Variants in DOC2B observed in about 807,000 individuals in gnomAD.
DOC2B encodes the protein double C2 domain beta.
DOC2B carries 21 observed loss-of-function variants against 28.9 expected under a neutral mutation model. The ratio of observed to expected loss-of-function variants is 0.73; its 90% CI spans 0.52 to 1.05. The LOEUF is 1.05. Among genes scored for constraint, DOC2B ranks in the 50% least tolerant of loss-of-function variants. The probability of loss-of-function intolerance (pLI) is 0.00; values close to 1 mark genes in which losing one functional copy is unlikely to be tolerated. For missense variants in DOC2B, 384 were observed against 421.1 expected, an observed-to-expected ratio of 0.91 and a Z score of 0.77; for synonymous variants, 194 against 178.1, an observed-to-expected ratio of 1.09 and a Z score of -0.71.
At position 150,064 on chromosome 17, in the gene DOC2B, G is replaced by C. The variant is rs1431155610; in HGVS notation, c.924-872C>G. 2.0e-5 allele frequency among the ~76,000 whole-genome samples: 3 copies of C among 152,308 alleles called. No homozygotes were observed. The South Asian group carries it at 6.2e-4, about 32-fold the overall frequency. Reference sequence around the variant, plus strand: ...AACAGCTGTCTTCCTCTGAGGCTCAGAGAGGGGGAGTGACTTGCCCAAGGT... The same window carrying C: ...AACAGCTGTCTTCCTCTGAGGCTCACAGAGGGGGAGTGACTTGCCCAAGGT... On this transcript the variant is annotated intron_variant, in intron 6 of 8. Coordinates refer to ENST00000613549, the MANE Select transcript of DOC2B (RefSeq NM_003585.5).
At chr17:179,398 C>CAAA (rs770987974) in intron 1 of DOC2B, among the ~76,000 whole-genome samples, 15 of 139,022 alleles carry the variant, frequency 1.1e-4, no homozygotes, top group South Asian at 9.2e-4. Context: ...TCAGAGACAG[C>CAAA]AAAAAAAAGA....
intron 8 of DOC2B, 122 bp downstream of exon 8, chr17:148,051 G>A (rs1335205416): frequency 1.0e-5 from 4 of 396,662 alleles, no homozygotes; most frequent in Non-Finnish European, 1.8e-5. Flanking sequence ...AAGGTCTGAG[G>A]CCCCTGACCT....
At chr17:161,840 C>A (rs745721385) in intron 4 of DOC2B, among the ~76,000 whole-genome samples, 3 of 152,226 alleles carry the variant, frequency 2.0e-5, no homozygotes, top group Non-Finnish European at 2.9e-5. Flanking sequence ...ACCTCCAGCA[C>A]CCTGAGAGGC....
At chr17:180,976 C>T in intron 1 of DOC2B, 131 bp downstream of exon 1, 1 of 780,324 alleles carries the variant, frequency 1.3e-6, no homozygotes, top group Non-Finnish European at 1.7e-6. Flanking sequence ...CCCGCAAGCC[C>T]GCGGCGGGGT....
At chr17:150,408 A>G (rs1027550181) in intron 6 of DOC2B, among the ~76,000 whole-genome samples, 1 of 151,714 alleles carries the variant, frequency 6.6e-6, no homozygotes, top group African/African-American at 2.4e-5. Context: ...TGTCCAGCTT[A>G]ACCTGCATCC....
chr17:172,420 G>T (rs2294074), intron 2 of DOC2B, 117 bp downstream of exon 2: 1 of 785,344 alleles, frequency 1.3e-6, no homozygotes, highest in Admixed American at 2.7e-5. Context: ...CCCACACAGC[G>T]CAGACATCCA....
At chr17:161,802 T>C (rs1555523281) in intron 4 of DOC2B, among the ~76,000 whole-genome samples, 1 of 152,174 alleles carries the variant, frequency 6.6e-6, no homozygotes, top group Non-Finnish European at 1.5e-5. Context: ...GCCAGGAGGC[T>C]GGGAGAGCCG....
Position 147,495 on chromosome 17 carries a change from G to A in DOC2B, c.1185C>T (p.Ile395=), listed in dbSNP as rs1296771889. 3.0e-5 allele frequency: 12 copies of A among 398,828 alleles called. No individual in the cohort carries two copies. Among genetic ancestry groups the A allele is most frequent in the African/African-American group, 1.2e-4 (6 of 48,768 alleles). 24.7% of individuals were successfully genotyped at this position (398,828 alleles called of 1,614,324 possible). A position where few individuals can be genotyped will look rare whatever the true frequency, so the allele number is the denominator to read the frequency against. Residue 395 remains isoleucine, a synonymous_variant, in exon 9 of 9, where the codon ATC becomes ATT. Coordinates refer to ENST00000613549, the MANE Select transcript of DOC2B (RefSeq NM_003585.5). The part of the protein sequence containing the change: ...FDCLKNKDKR[I]ERWHTLTSEL... ...CGCTGGTGAGCGTGTGCCAGCGCTC[G>A]ATGCGCTTGTCCTTGTTCTTCAGGC...
Position 178,250 on chromosome 17 carries a change from T to C in DOC2B, c.373+2857A>G, listed in dbSNP as rs2040392258. 2.0e-5 allele frequency among the ~76,000 whole-genome samples: 3 copies of C among 152,304 alleles called. No individual in the cohort carries two copies. In the East Asian group the frequency reaches 5.8e-4, roughly 29 times the overall value. On this transcript the variant is annotated intron_variant, in intron 1 of 8. Coordinates refer to ENST00000613549, the MANE Select transcript of DOC2B (RefSeq NM_003585.5). ...TAGGAAACGGGCCTTGATTTTGCTC[T>C]ACAAGGAAAAACGCACAGCCACGAG...
chr17:152,171 GTTA>G (rs2040079670), intron 6 of DOC2B, among the ~76,000 whole-genome samples: 1 of 152,116 alleles, frequency 6.6e-6, no homozygotes, highest in South Asian at 2.1e-4. Context: ...ACCCCTTCTG[GTTA>G]TACATAAGAC....
In DOC2B at chr17:147,421, G is replaced by GT. The variant is rs2040027793; in HGVS notation, c.*19dup. The GT allele has an allele frequency of 5.0e-6, 2 of 398,824 alleles. No individual in the cohort carries two copies. Among genetic ancestry groups the GT allele is most frequent in the African/African-American group, 4.1e-5 (2 of 48,632 alleles). The allele number at this position is 398,824 out of a possible 1,614,324, so 24.7% of individuals were successfully genotyped here. ...GTGCTGGGCGCAGGTGGCGGCAGGG[G>GT]TAGCAGTGGCGGGTGGGCGTCAGTC... On this transcript the variant is annotated 3_prime_UTR_variant, in exon 9 of 9. Coordinates refer to ENST00000613549, the MANE Select transcript of DOC2B (RefSeq NM_003585.5).
intron 1 of DOC2B, among the ~76,000 whole-genome samples, chr17:174,457 C>G (rs2040346761): frequency 6.6e-6 from 1 of 152,162 alleles, no homozygotes; most frequent in East Asian, 1.9e-4. Flanking sequence ...TCTCTAAGAC[C>G]CATTCTGGAA....
At chr17:156,161 C>T (rs561457560) in intron 6 of DOC2B, 59 bp downstream of exon 6, 240 of 1,481,926 alleles carry the variant, frequency 1.6e-4, no homozygotes, top group Non-Finnish European at 1.8e-4. Flanking sequence ...AGCCGGCACA[C>T]GGACCCCCGT....
chr17:164,048 C>A, intron 3 of DOC2B, 82 bp downstream of exon 3: 1 of 1,189,296 alleles, frequency 8.4e-7, no homozygotes, highest in South Asian at 1.3e-5. Context: ...CAGTCCAGGC[C>A]CCAAAGCAAA....
chr17:159,733 C>G (rs1471730426), intron 5 of DOC2B, among the ~76,000 whole-genome samples: 1 of 152,068 alleles, frequency 6.6e-6, no homozygotes, highest in Non-Finnish European at 1.5e-5. Context: ...ACCAATGGGC[C>G]GGTAGCGCAT....
intron 1 of DOC2B, among the ~76,000 whole-genome samples, 151 bp from the exon 2 acceptor site, chr17:172,767 C>A (rs1329517301): frequency 6.6e-6 from 1 of 152,246 alleles, no homozygotes; most frequent in Non-Finnish European, 1.5e-5. Flanking sequence ...GCCAGCCCCT[C>A]ACCCATCCTC....
chr17:156,360 G>T lies in DOC2B; in HGVS notation c.783C>A (p.Asp261Glu). 6.4e-7 allele frequency: 1 copy of T among 1,551,434 alleles called. No individual in the cohort carries two copies. The change falls in exon 6 of 9, where the codon GAC (aspartate) becomes GAA (glutamate). Residue 261 changes from aspartate (D) to glutamate (E), a missense_variant. Asp to Glu is a conservative substitution (Grantham distance 45). Coordinates refer to ENST00000613549, the MANE Select transcript of DOC2B (RefSeq NM_003585.5). ...TGCGGCCCCGCTCCTCCAGGGACTTGTCTTCAGTCTTGTCCACCTGTTGGA... is the reference window on the plus strand; with the variant it reads ...TGCGGCCCCGCTCCTCCAGGGACTTTTCTTCAGTCTTGTCCACCTGTTGGA... Reference protein sequence around the residue: ...EKQLPVDKTEDKSLEERGRIL... With the variant: ...EKQLPVDKTEEKSLEERGRIL...
At chr17:162,281 C>T in intron 3 of DOC2B, 91 bp from the exon 4 acceptor site, 1 of 946,734 alleles carries the variant, frequency 1.1e-6, no homozygotes, top group Non-Finnish European at 1.6e-6. Context: ...CATCTTGGAG[C>T]CTGTGAATGT....
rs113247765 is a variant in DOC2B, at chr17:164,887, A to C, written c.454-683T>G. On this transcript the variant is annotated intron_variant, in intron 2 of 8. Coordinates refer to ENST00000613549, the MANE Select transcript of DOC2B (RefSeq NM_003585.5). Reference sequence around the variant, plus strand: ...TGGGATGGTGCACAGGGATGCAGGGAGGCAGCTGTGGCATCTGTGGGGGTG... The same window carrying C: ...TGGGATGGTGCACAGGGATGCAGGGCGGCAGCTGTGGCATCTGTGGGGGTG... Among the ~76,000 whole-genome samples the C allele has an allele frequency of 9.4e-3, 1,439 of 152,298 alleles. 28 individuals carry two copies. The highest frequency in any genetic ancestry group is 0.033 in the African/African-American group (1,372 of 41,560).
Sources: gnomAD v4.1 joint callset for allele counts (sites outside exome capture counted in the v4.1 genomes callset) on GRCh38, gnomAD v4.1.1 for gene constraint, MANE v1.5 for transcripts, NCBI Gene and HGNC (gene_info 2026-07-23, HGNC 2026-07-21) for gene names.